THRB: variants seen among roughly 807,000 people sequenced by gnomAD.
THRB encodes nuclear receptor subfamily 1 group A member 2.
In THRB, 12 loss-of-function variants were observed where a neutral mutation model predicts 47.8. That is an observed-to-expected ratio of 0.25 (90% CI 0.16 to 0.41). The LOEUF (loss-of-function observed/expected upper bound fraction) is 0.41, where lower values mean the gene tolerates loss of function less well. Ranked by LOEUF, THRB falls within the 10% of genes least tolerant of loss-of-function variation. The pLI, the probability that THRB is intolerant of heterozygous loss-of-function variation, is 1.00. For missense variants in THRB, 348 were observed against 589.2 expected (o/e 0.59, Z 4.24); for synonymous variants, 218 against 212.2 (o/e 1.03, Z -0.24).
chr3:24,357,361 A>AAC (rs2063747668), intron 1 of THRB, among the ~76,000 whole-genome samples: 1 of 146,504 alleles, frequency 6.8e-6, no homozygotes, highest in Non-Finnish European at 1.5e-5. Context: ...AAAAAAAAAA[A>AAC]AAAAAAAAAA....
At chr3:24,205,427 AT>A (rs1392444487) in intron 4 of THRB, among the ~76,000 whole-genome samples, 2 of 152,206 alleles carry the variant, frequency 1.3e-5, no homozygotes, top group African/African-American at 4.8e-5. Flanking sequence ...GAGAAATAAA[AT>A]CCTTTACAGA....
At chr3:24,428,791 T>G (rs2070050929) in intron 1 of THRB, among the ~76,000 whole-genome samples, 1 of 151,758 alleles carries the variant, frequency 6.6e-6, no homozygotes, top group South Asian at 2.1e-4. Flanking sequence ...CTTTTGTAAT[T>G]TTCATCAAGA....
At chr3:24,267,461 T>C (rs1326633696) in intron 3 of THRB, among the ~76,000 whole-genome samples, 1 of 152,006 alleles carries the variant, frequency 6.6e-6, no homozygotes, top group Non-Finnish European at 1.5e-5. Flanking sequence ...CTGACAAAAA[T>C]TCTCTGCTAG....
At chr3:24,146,184 A>C (rs916390594) in intron 7 of THRB, among the ~76,000 whole-genome samples, 1 of 152,332 alleles carries the variant, frequency 6.6e-6, no homozygotes, top group Middle Eastern at 3.4e-3. Context: ...ATTTCTGAAC[A>C]CGATGTTTTC....
intron 2 of THRB, among the ~76,000 whole-genome samples, chr3:24,309,326 G>A (rs2057584418): frequency 6.6e-6 from 1 of 152,188 alleles, no homozygotes; most frequent in South Asian, 2.1e-4. Context: ...GCGGAATAAA[G>A]TTTTGTTTCT....
At chr3:24,129,375 T>C (rs1323109878) in intron 9 of THRB, among the ~76,000 whole-genome samples, 1 of 152,232 alleles carries the variant, frequency 6.6e-6, no homozygotes, top group African/African-American at 2.4e-5. Context: ...AACAAGAAGT[T>C]ACTAATCAGA....
At chr3:24,195,082 C>A (rs1429583975) in intron 4 of THRB, among the ~76,000 whole-genome samples, 1 of 152,170 alleles carries the variant, frequency 6.6e-6, no homozygotes, top group African/African-American at 2.4e-5. Context: ...GGTATGAAGC[C>A]TCAAATTTCC....
intron 10 of THRB, among the ~76,000 whole-genome samples, chr3:24,126,799 G>T (rs1172599811): frequency 6.6e-6 from 1 of 152,224 alleles, no homozygotes; most frequent in Non-Finnish European, 1.5e-5. Flanking sequence ...GTCCTGGCTG[G>T]CACTCAGACT....
chr3:24,322,660 C>T (rs190632199), intron 2 of THRB, among the ~76,000 whole-genome samples: 1 of 152,296 alleles, frequency 6.6e-6, no homozygotes, highest in Non-Finnish European at 1.5e-5. Flanking sequence ...TATAGTTGCT[C>T]AGGTGCAAAG....
chr3:24,416,660 G>A (rs940984599), intron 1 of THRB, among the ~76,000 whole-genome samples: 1 of 151,782 alleles, frequency 6.6e-6, no homozygotes, highest in African/African-American at 2.4e-5. Context: ...TATTAACCTC[G>A]TTCTATCCCT....
intron 5 of THRB, among the ~76,000 whole-genome samples, chr3:24,162,155 T>G (rs2038951811): frequency 6.6e-6 from 1 of 151,386 alleles, no homozygotes; most frequent in South Asian, 2.1e-4. Context: ...CAGCTAGCAC[T>G]TCCACCCACA....
chr3:24,349,732 C>A (rs555352922), intron 1 of THRB, among the ~76,000 whole-genome samples: 1 of 151,862 alleles, frequency 6.6e-6, no homozygotes, highest in South Asian at 2.1e-4. Context: ...AGGTGAAACA[C>A]GAAATCCTCA....
chr3:24,322,707 T>C (rs143086790), intron 2 of THRB, among the ~76,000 whole-genome samples: 12 of 152,368 alleles, frequency 7.9e-5, no homozygotes, highest in African/African-American at 2.9e-4. Context: ...TCCATTGTTA[T>C]TATCAAGGCA....
intron 4 of THRB, among the ~76,000 whole-genome samples, chr3:24,205,927 G>T (rs1482787385): frequency 6.6e-6 from 1 of 152,146 alleles, no homozygotes; most frequent in Non-Finnish European, 1.5e-5. Flanking sequence ...ATGGTAAAGG[G>T]ATCAATTCAA....
chr3:24,349,327 G>GT (rs957232264), intron 1 of THRB, among the ~76,000 whole-genome samples: 22 of 150,712 alleles, frequency 1.5e-4, no homozygotes, highest in East Asian at 1.4e-3. Flanking sequence ...TAAGTCTTGG[G>GT]TTTTTTTTTC....
At chr3:24,463,743 A>C (rs986785113) in intron 1 of THRB, among the ~76,000 whole-genome samples, 1 of 152,222 alleles carries the variant, frequency 6.6e-6, no homozygotes, top group Non-Finnish European at 1.5e-5. Flanking sequence ...TAGACAAACT[A>C]TTTCCCAGAA....
intron 3 of THRB, among the ~76,000 whole-genome samples, chr3:24,234,571 C>G (rs551677779): frequency 6.6e-6 from 1 of 152,206 alleles, no homozygotes; most frequent in South Asian, 2.1e-4. Flanking sequence ...CATCAGACAC[C>G]AACTCAGGCT....
At chr3:24,476,608 C>T (rs1467146196) in intron 1 of THRB, among the ~76,000 whole-genome samples, 2 of 152,148 alleles carry the variant, frequency 1.3e-5, no homozygotes, top group African/African-American at 2.4e-5. Context: ...TGGGAACATC[C>T]TGTGTCTCCC....
intron 4 of THRB, among the ~76,000 whole-genome samples, chr3:24,190,831 C>T (rs866437152): frequency 3.3e-5 from 5 of 151,244 alleles, no homozygotes; most frequent in South Asian, 2.1e-4. Flanking sequence ...GTGGCCACAC[C>T]GAGAGTGGCA....
Sources: gnomAD v4.1 joint callset for allele counts (sites outside exome capture counted in the v4.1 genomes callset) on GRCh38, gnomAD v4.1.1 for gene constraint, MANE v1.5 for transcripts, NCBI Gene and HGNC (gene_info 2026-07-23, HGNC 2026-07-21) for gene names.